Variants in MSRA observed in about 807,000 individuals in gnomAD.
MSRA encodes mitochondrial peptide methionine sulfoxide reductase.
A neutral mutation model predicts 31.3 loss-of-function variants in MSRA; 54 were observed. The ratio of observed to expected loss-of-function variants is 1.73; its 90% CI spans 1.39 to 2.17. The LOEUF is 2.17. MSRA is among the 30% of genes most tolerant of loss of function. The pLI is 0.00. For synonymous variants in MSRA, 169 were observed against 116.5 expected (o/e 1.45, Z -2.90); for missense variants, 507 against 300.9 (o/e 1.69, Z -5.07).
intron 5 of MSRA, among the ~76,000 whole-genome samples, chr8:10,355,521 T>C (rs907073929): frequency 1.3e-5 from 2 of 152,160 alleles, no homozygotes; most frequent in South Asian, 4.1e-4. Context: ...TGGCATGCTG[T>C]GTCAAAGGAA....
intron 5 of MSRA, among the ~76,000 whole-genome samples, chr8:10,421,704 G>T (rs1020634462): frequency 2.6e-5 from 4 of 152,200 alleles, no homozygotes; most frequent in Admixed American, 2.0e-4. Flanking sequence ...CTTCCATAAG[G>T]AGTGACCCGG....
chr8:10,098,351 T>C (rs1490203110), intron 1 of MSRA, among the ~76,000 whole-genome samples: 1 of 152,144 alleles, frequency 6.6e-6, no homozygotes, highest in Admixed American at 6.5e-5. Context: ...TTAAATTCCA[T>C]TTTGATGTAT....
At chr8:10,165,285 C>T (rs1051574938) in intron 1 of MSRA, among the ~76,000 whole-genome samples, 3 of 152,080 alleles carry the variant, frequency 2.0e-5, no homozygotes, top group African/African-American at 4.8e-5. Flanking sequence ...TAAGAACAAC[C>T]ACTCTGCTCT....
intron 1 of MSRA, chr8:10,058,878 TG>T: frequency 6.6e-6 from 1 of 152,242 alleles, no homozygotes; most frequent in East Asian, 1.9e-4. Context: ...ATTTATACTT[TG>T]TAAGAAGGTA....
chr8:10,079,897 C>T (rs910551739), intron 1 of MSRA, among the ~76,000 whole-genome samples: 7 of 152,170 alleles, frequency 4.6e-5, no homozygotes, highest in African/African-American at 1.7e-4. Context: ...CATAAATTTG[C>T]TACTTATGAA....
chr8:10,220,736 G>A (rs79777905), intron 2 of MSRA, among the ~76,000 whole-genome samples: 1,842 of 152,288 alleles, frequency 0.012, 21 homozygotes, highest in Middle Eastern at 0.048. Flanking sequence ...AGTGCTTGGT[G>A]ACATTCTTAT....
At chr8:10,422,491 G>T (rs1398994497) in intron 5 of MSRA, among the ~76,000 whole-genome samples, 2 of 152,186 alleles carry the variant, frequency 1.3e-5, no homozygotes, top group East Asian at 1.9e-4. Flanking sequence ...GACCAATTCT[G>T]TTAGGTGACC....
At chr8:10,423,405 T>G (rs1808931849) in intron 5 of MSRA, among the ~76,000 whole-genome samples, 1 of 151,776 alleles carries the variant, frequency 6.6e-6, no homozygotes, top group Non-Finnish European at 1.5e-5. Context: ...ACACCTGGTG[T>G]GTGTTGATAG....
intron 1 of MSRA, among the ~76,000 whole-genome samples, chr8:10,070,693 C>T (rs1253205406): frequency 2.0e-5 from 3 of 152,190 alleles, no homozygotes; most frequent in Admixed American, 6.5e-5. Context: ...GGCGACCACT[C>T]CTGTTCTCCA....
chr8:10,294,904 T>C (rs4240639), intron 3 of MSRA, among the ~76,000 whole-genome samples: 151,597 of 152,238 alleles, frequency 1, 75,484 homozygotes, highest in Non-Finnish European at 1. Context: ...CAGGTCTTGC[T>C]TGTGGGCCTC....
intron 1 of MSRA, among the ~76,000 whole-genome samples, chr8:10,081,536 C>A (rs1302128819): frequency 6.6e-6 from 1 of 152,178 alleles, no homozygotes; most frequent in African/African-American, 2.4e-5. Context: ...GTCACCCAGG[C>A]TGGAGTGCAG....
intron 1 of MSRA, among the ~76,000 whole-genome samples, chr8:10,135,599 T>G (rs1802215855): frequency 6.6e-6 from 1 of 152,222 alleles, no homozygotes; most frequent in African/African-American, 2.4e-5. Context: ...GTATGGTTCA[T>G]GATCCCAAGC....
chr8:10,196,390 A>C (rs1807991570), intron 1 of MSRA, among the ~76,000 whole-genome samples: 1 of 152,046 alleles, frequency 6.6e-6, no homozygotes, highest in South Asian at 2.1e-4. Context: ...AATTACATCC[A>C]CAATACCTGG....
At chr8:10,312,132 A>G (rs1379974451) in intron 4 of MSRA, among the ~76,000 whole-genome samples, 2 of 152,340 alleles carry the variant, frequency 1.3e-5, no homozygotes, top group African/African-American at 4.8e-5. Flanking sequence ...GAAAATCAGC[A>G]ACAAATTCAA....
chr8:10,363,520 T>C (rs957027944), intron 5 of MSRA, among the ~76,000 whole-genome samples: 3 of 152,154 alleles, frequency 2.0e-5, no homozygotes, highest in African/African-American at 7.2e-5. Flanking sequence ...GCCTGTCTTG[T>C]AGCATGACGA....
chr8:10,285,209 A>T (rs1322475596), intron 3 of MSRA, among the ~76,000 whole-genome samples: 2 of 152,164 alleles, frequency 1.3e-5, no homozygotes, highest in African/African-American at 2.4e-5. Flanking sequence ...CCAATTCTGC[A>T]TCCGCCTTCT....
intron 3 of MSRA, among the ~76,000 whole-genome samples, chr8:10,259,113 A>G (rs1458995687): frequency 6.6e-6 from 1 of 151,912 alleles, no homozygotes; most frequent in African/African-American, 2.4e-5. Context: ...AGGAAAAAAA[A>G]AAAAAAGAGG....
At chr8:10,131,465 G>T (rs1190512740) in intron 1 of MSRA, among the ~76,000 whole-genome samples, 1 of 152,230 alleles carries the variant, frequency 6.6e-6, no homozygotes, top group Non-Finnish European at 1.5e-5. Flanking sequence ...CCATGCCGGG[G>T]AGTGGCATTC....
chr8:10,239,068 A>G (rs1812187311), intron 2 of MSRA, among the ~76,000 whole-genome samples: 1 of 152,224 alleles, frequency 6.6e-6, no homozygotes, highest in South Asian at 2.1e-4. Context: ...CAATAGAAAA[A>G]TGAACAGAGG....
Sources: gnomAD v4.1 joint callset for allele counts (sites outside exome capture counted in the v4.1 genomes callset) on GRCh38, gnomAD v4.1.1 for gene constraint, MANE v1.5 for transcripts, NCBI Gene and HGNC (gene_info 2026-07-23, HGNC 2026-07-21) for gene names.